RPP30: variants seen among roughly 807,000 people sequenced by gnomAD.
The protein encoded by RPP30 is ribonuclease P/MRP subunit p30.
A neutral mutation model predicts 38.6 loss-of-function variants in RPP30; 36 were observed. That is an observed-to-expected ratio of 0.93 (90% CI 0.71 to 1.23). RPP30 has a LOEUF of 1.23. RPP30 is among the 50% of genes most tolerant of loss of function. The pLI is 0.00. For synonymous variants in RPP30, 126 were observed against 112.7 expected, an observed-to-expected ratio of 1.12 and a Z score of -0.75; for missense variants, 321 against 321.7, an observed-to-expected ratio of 1.00 and a Z score of 0.02.
chr10:90,872,003 A>T lies in RPP30; in HGVS notation c.17A>T (p.Asp6Val). 1 of 1,613,996 alleles carries T rather than the reference A, an allele frequency of 6.2e-7. No homozygotes were observed. The highest frequency in any genetic ancestry group is 8.5e-7 in the Non-Finnish European group (1 of 1,179,952). The change falls in exon 1 of 11, where the codon GAT (aspartate) becomes GTT (valine). Residue 6 changes from aspartate to valine, a missense_variant. Physicochemically the swap from Asp to Val is radical, Grantham distance 152. Transcript: ENST00000371703. Reference sequence around the variant, plus strand: ...GACTTCAGCATGGCGGTGTTTGCAGATTTGGACCTGCGAGCGGGTTCTGAC... The same window carrying T: ...GACTTCAGCATGGCGGTGTTTGCAGTTTTGGACCTGCGAGCGGGTTCTGAC... MAVFA[D>V]LDLRAGSDLK...
intron 4 of RPP30, among the ~76,000 whole-genome samples, chr10:90,876,537 A>G (rs1445617590): frequency 6.6e-6 from 1 of 152,200 alleles, no homozygotes; most frequent in African/African-American, 2.4e-5. Flanking sequence ...GAGTAAGTTG[A>G]TATTCAAGCT....
intron 4 of RPP30, among the ~76,000 whole-genome samples, chr10:90,877,437 G>A (rs1235493517): frequency 6.6e-6 from 1 of 152,164 alleles, no homozygotes; most frequent in African/African-American, 2.4e-5. Context: ...ATTGTGGGAA[G>A]AAGAGGTTTA....
At chr10:90,888,534 G>A (rs1847031892) in intron 6 of RPP30, among the ~76,000 whole-genome samples, 1 of 152,170 alleles carries the variant, frequency 6.6e-6, no homozygotes, top group African/African-American at 2.4e-5. Flanking sequence ...GAGTCAATAA[G>A]TACATGTTGA....
intron 8 of RPP30, 112 bp downstream of exon 8, chr10:90,895,595 T>A: frequency 1.6e-6 from 1 of 644,654 alleles, no homozygotes; most frequent in Non-Finnish European, 2.5e-6. Context: ...TTTTCTATTT[T>A]AACTGCATTT....
chr10:90,878,756 G>A (rs1166635550), intron 4 of RPP30, among the ~76,000 whole-genome samples: 1 of 152,166 alleles, frequency 6.6e-6, no homozygotes, highest in Non-Finnish European at 1.5e-5. Context: ...GCCTCCCAAA[G>A]TGCTGGGTTT....
chr10:90,873,296 A>G (rs1846807826), intron 1 of RPP30, among the ~76,000 whole-genome samples: 1 of 152,212 alleles, frequency 6.6e-6, no homozygotes, highest in South Asian at 2.1e-4. Context: ...TACACTTGGA[A>G]GAGGTGTGGT....
intron 3 of RPP30, 24 bp downstream of exon 3, chr10:90,875,638 G>A (rs778213658): frequency 4.4e-6 from 7 of 1,589,912 alleles, no homozygotes; most frequent in Non-Finnish European, 5.2e-6. Flanking sequence ...TGTTTACGAA[G>A]CATAATATCT....
intron 1 of RPP30, among the ~76,000 whole-genome samples, chr10:90,873,950 G>A (rs1846817139): frequency 6.6e-6 from 1 of 152,080 alleles, no homozygotes; most frequent in African/African-American, 2.4e-5. Flanking sequence ...TTGCTTAATT[G>A]CCTTATTTGC....
chr10:90,873,467 C>T (rs970047083), intron 1 of RPP30, among the ~76,000 whole-genome samples: 3 of 152,146 alleles, frequency 2.0e-5, no homozygotes, highest in Non-Finnish European at 4.4e-5. Flanking sequence ...AAAGACAGAG[C>T]CCTGGTTCTC....
At chr10:90,902,979 A>AT (rs113927022), downstream of RPP30, among the ~76,000 whole-genome samples, 203 of 152,270 alleles carry the variant, frequency 1.3e-3, no homozygotes, top group African/African-American at 4.6e-3. Flanking sequence ...TATGTAAATT[A>AT]TTTTTTTAAA....
chr10:90,882,212 A>G (rs1194309042), intron 5 of RPP30, among the ~76,000 whole-genome samples: 2 of 152,202 alleles, frequency 1.3e-5, no homozygotes, highest in African/African-American at 4.8e-5. Context: ...CAGGTTATTT[A>G]GTCCAGTGGT....
intron 6 of RPP30, among the ~76,000 whole-genome samples, chr10:90,892,907 ATATAT>A (rs1276611296): frequency 6.6e-6 from 1 of 152,240 alleles, no homozygotes; most frequent in Non-Finnish European, 1.5e-5. Flanking sequence ...CAAAATATAA[ATATAT>A]TATACACCTT....
At chr10:90,881,847 C>A (rs1221728871) in intron 5 of RPP30, among the ~76,000 whole-genome samples, 1 of 152,092 alleles carries the variant, frequency 6.6e-6, no homozygotes, top group Non-Finnish European at 1.5e-5. Flanking sequence ...TAAGTTAGGT[C>A]TCCAAGATGA....
intron 6 of RPP30, among the ~76,000 whole-genome samples, chr10:90,890,066 G>A (rs1259840273): frequency 6.6e-6 from 1 of 152,184 alleles, no homozygotes; most frequent in Non-Finnish European, 1.5e-5. Flanking sequence ...CCATATGCAG[G>A]TAATACAGTA....
At position 90,873,816 on chromosome 10, in the gene RPP30, TTTTTTTG is replaced by T. The variant is rs558968766; in HGVS notation, c.83-1047_83-1041del. ...CAAGGTACAGGCATACTTGTGATTT[TTTTTTTG>T]TTTTTAAGGGTAACTTTCTTCAGGG... is the stretch of plus-strand genomic sequence containing the variant. On this transcript the variant is annotated intron_variant, in intron 1 of 10. Coordinates refer to ENST00000371703, the MANE Select transcript of RPP30 (RefSeq NM_006413.5). 3.4e-3 allele frequency among the ~76,000 whole-genome samples: 520 copies of T among 152,268 alleles called. 6 individuals carry two copies. The highest frequency in any genetic ancestry group is 3.0e-3 in the Non-Finnish European group (207 of 68,006).
chr10:90,886,983 G>A (rs1262452594), intron 6 of RPP30, among the ~76,000 whole-genome samples: 2 of 152,048 alleles, frequency 1.3e-5, no homozygotes, highest in South Asian at 2.1e-4. Context: ...AGTAGTAGTA[G>A]TAGAGACAGG....
At chr10:90,880,400 A>G (rs545793298) in intron 5 of RPP30, among the ~76,000 whole-genome samples, 1 of 152,058 alleles carries the variant, frequency 6.6e-6, no homozygotes, top group African/African-American at 2.4e-5. Context: ...ATGAGTGCCT[A>G]CTCTTTTTGT....
chr10:90,879,907 C>A (rs1196159815), intron 5 of RPP30: 1 of 152,138 alleles, frequency 6.6e-6, no homozygotes, highest in Non-Finnish European at 1.5e-5. Context: ...ACTAAAGTGT[C>A]CATCCGCCAA....
At chr10:90,888,224 G>C (rs1335262427) in intron 6 of RPP30, among the ~76,000 whole-genome samples, 2 of 152,198 alleles carry the variant, frequency 1.3e-5, no homozygotes, top group Non-Finnish European at 2.9e-5. Flanking sequence ...TCATTTTCTA[G>C]ATGGCTTTGC....
Sources: allele counts gnomAD v4.1 joint callset (sites outside exome capture counted in the v4.1 genomes callset), GRCh38; gene constraint gnomAD v4.1.1; transcripts MANE v1.5; gene names NCBI Gene and HGNC (gene_info 2026-07-23, HGNC 2026-07-21).